JAZF1: variants seen among roughly 807,000 people sequenced by gnomAD.
JAZF1 encodes the protein JAZF zinc finger 1.
Under a neutral mutation model 26.4 loss-of-function variants are expected in JAZF1, and 8 were observed. That is an observed-to-expected ratio of 0.30 (90% CI 0.18 to 0.55). The LOEUF (loss-of-function observed/expected upper bound fraction) is 0.55, where lower values mean the gene tolerates loss of function less well. Ranked by LOEUF, JAZF1 falls within the 20% of genes least tolerant of loss-of-function variation. The pLI is 0.94. For synonymous variants in JAZF1, 126 were observed against 122.3 expected (o/e 1.03, Z -0.20); for missense variants, 199 against 322.0 (o/e 0.62, Z 2.92).
At chr7:27,860,179 A>G (rs913384158) in intron 3 of JAZF1, among the ~76,000 whole-genome samples, 1 of 152,234 alleles carries the variant, frequency 6.6e-6, no homozygotes, top group African/African-American at 2.4e-5. Context: ...GTTTAATACT[A>G]GAAGTGTTTT....
chr7:27,968,731 A>G (rs1785320475), intron 2 of JAZF1, among the ~76,000 whole-genome samples: 1 of 152,216 alleles, frequency 6.6e-6, no homozygotes, highest in Admixed American at 6.5e-5. Context: ...TTAATGCAAT[A>G]TAGAAACCAG....
chr7:27,839,146 C>CA (rs1782875608), intron 4 of JAZF1, among the ~76,000 whole-genome samples: 1 of 152,220 alleles, frequency 6.6e-6, no homozygotes, highest in South Asian at 2.1e-4. Flanking sequence ...ACCCTGTGCC[C>CA]AGAACCCAGG....
chr7:27,967,215 T>C (rs1785292462), intron 2 of JAZF1, among the ~76,000 whole-genome samples: 1 of 152,112 alleles, frequency 6.6e-6, no homozygotes, highest in South Asian at 2.1e-4. Flanking sequence ...GGGCAGCGGG[T>C]CAAAGCCACT....
intron 3 of JAZF1, among the ~76,000 whole-genome samples, chr7:27,867,314 T>C (rs910524993): frequency 6.6e-6 from 1 of 152,154 alleles, no homozygotes; most frequent in Non-Finnish European, 1.5e-5. Context: ...TTCCAAGACA[T>C]AGCATATGAC....
intron 1 of JAZF1, among the ~76,000 whole-genome samples, chr7:28,150,339 CTTT>C (rs1783092070): frequency 6.6e-6 from 1 of 152,158 alleles, no homozygotes; most frequent in Admixed American, 6.5e-5. Flanking sequence ...TGCTTCCAGA[CTTT>C]TGGATTTCAC....
At position 28,120,501 on chromosome 7, in the gene JAZF1, C is replaced by CTTTTTTTTTTTTTTTTTTTTTTTT. The variant is rs58448766; in HGVS notation, c.115+59938_115+59961dup. 5.8e-4 allele frequency among the ~76,000 whole-genome samples: 34 copies of CTTTTTTTTTTTTTTTTTTTTTTTT among 59,014 alleles called. 9 individuals carry two copies. The highest frequency in any genetic ancestry group is 1.1e-3 in the East Asian group (1 of 918). The allele number at this position is 59,014 out of a possible 152,430, so 38.7% of individuals were successfully genotyped here. A position where few individuals can be genotyped will look rare whatever the true frequency, so the allele number is the denominator to read the frequency against. ...TCTGAACCACTAGCCACACACAGTT[C>CTTTTTTTTTTTTTTTTTTTTTTTT]TTTTTTTTTTTTTTTTTTTTTTTTT... On this transcript the variant is annotated intron_variant, in intron 1 of 4. Transcript: ENST00000283928.
chr7:27,986,203 T>C (rs1233333881), intron 2 of JAZF1, among the ~76,000 whole-genome samples: 1 of 152,216 alleles, frequency 6.6e-6, no homozygotes, highest in Non-Finnish European at 1.5e-5. Flanking sequence ...TGATTGTATA[T>C]TTAGAAAACC....
At chr7:27,978,903 G>T (rs186976838) in intron 2 of JAZF1, among the ~76,000 whole-genome samples, 1 of 151,418 alleles carries the variant, frequency 6.6e-6, no homozygotes, top group African/African-American at 2.4e-5. Context: ...TTTTTGGGGG[G>T]AGAAAGGCAG....
chr7:27,890,921 C>T (rs1458767461), intron 3 of JAZF1, among the ~76,000 whole-genome samples: 1 of 151,720 alleles, frequency 6.6e-6, no homozygotes, highest in African/African-American at 2.4e-5. Flanking sequence ...TCCCAAGTAG[C>T]TGGGATTACA....
At chr7:27,857,906 G>A (rs1303394682) in intron 3 of JAZF1, among the ~76,000 whole-genome samples, 1 of 152,146 alleles carries the variant, frequency 6.6e-6, no homozygotes, top group African/African-American at 2.4e-5. Context: ...GGGCAATCAG[G>A]CAAGAGAAAC....
chr7:27,973,079 G>A (rs370632518), intron 2 of JAZF1, among the ~76,000 whole-genome samples: 23 of 152,012 alleles, frequency 1.5e-4, no homozygotes, highest in Middle Eastern at 3.4e-3. Flanking sequence ...GAGAATACCC[G>A]CCACAACGTT....
chr7:27,927,057 G>GA (rs1181873081), intron 2 of JAZF1, among the ~76,000 whole-genome samples: 1 of 152,194 alleles, frequency 6.6e-6, no homozygotes, highest in African/African-American at 2.4e-5. Flanking sequence ...AGGGGCAAAA[G>GA]AATGGGGTGA....
chr7:28,054,625 T>C (rs982377812), intron 1 of JAZF1, among the ~76,000 whole-genome samples: 1 of 152,146 alleles, frequency 6.6e-6, no homozygotes, highest in Admixed American at 6.6e-5. Context: ...ATTTCTGCCA[T>C]TTCCCTTTAG....
At chr7:28,021,260 AG>A (rs1416327428) in intron 1 of JAZF1, among the ~76,000 whole-genome samples, 1 of 152,156 alleles carries the variant, frequency 6.6e-6, no homozygotes, top group Admixed American at 6.5e-5. Context: ...GGGCAAATAA[AG>A]TTGTGCATGA....
intron 1 of JAZF1, among the ~76,000 whole-genome samples, chr7:28,034,443 A>G (rs1276155689): frequency 7.0e-6 from 1 of 143,722 alleles, no homozygotes; most frequent in African/African-American, 2.6e-5. Context: ...GTGGCCAGTT[A>G]TAATAAAAAT....
chr7:28,050,513 T>C (rs1312394991), intron 1 of JAZF1, among the ~76,000 whole-genome samples: 3 of 152,188 alleles, frequency 2.0e-5, no homozygotes, highest in African/African-American at 7.2e-5. Flanking sequence ...ACAACAACAG[T>C]TATAAAGAAT....
intron 1 of JAZF1, among the ~76,000 whole-genome samples, chr7:28,001,199 C>T (rs1241085849): frequency 1.3e-5 from 2 of 151,584 alleles, no homozygotes; most frequent in Non-Finnish European, 2.9e-5. Flanking sequence ...AATAAAAATA[C>T]AAAAATTAGC....
At chr7:28,122,237 C>T (rs1054317364) in intron 1 of JAZF1, among the ~76,000 whole-genome samples, 1 of 152,140 alleles carries the variant, frequency 6.6e-6, no homozygotes, top group Non-Finnish European at 1.5e-5. Context: ...GATACAGCTG[C>T]CAGGGAGTCT....
chr7:27,926,941 G>T (rs769166739), intron 2 of JAZF1, among the ~76,000 whole-genome samples: 6 of 152,018 alleles, frequency 3.9e-5, no homozygotes, highest in Admixed American at 2.6e-4. Context: ...TTCTTTAGGG[G>T]ATTAGACCAC....
Sources: gnomAD v4.1 joint callset for allele counts (sites outside exome capture counted in the v4.1 genomes callset) on GRCh38, gnomAD v4.1.1 for gene constraint, MANE v1.5 for transcripts, NCBI Gene and HGNC (gene_info 2026-07-23, HGNC 2026-07-21) for gene names.